The following MCC variants were observed in gnomAD, a reference collection of about 807,000 sequenced individuals.
MCC encodes MCC regulator of Wnt signaling pathway, also known as colorectal mutant cancer protein.
Under a neutral mutation model 116.2 loss-of-function variants are expected in MCC, and 90 were observed. The observed-to-expected ratio is 0.77, with a 90% CI of 0.65 to 0.92. The LOEUF (loss-of-function observed/expected upper bound fraction) is 0.92. Ranked by LOEUF, MCC falls within the 40% of genes least tolerant of loss-of-function variation. The pLI is 0.00. For missense variants in MCC, 1,516 were observed against 1,312.2 expected, an observed-to-expected ratio of 1.16 and a Z score of -2.40; for synonymous variants, 578 against 510.5, an observed-to-expected ratio of 1.13 and a Z score of -1.78.
intron 3 of MCC, among the ~76,000 whole-genome samples, chr5:113,238,827 A>T (rs1412371586): frequency 6.6e-6 from 1 of 152,226 alleles, no homozygotes; most frequent in Admixed American, 6.5e-5. Flanking sequence ...TGGCATTTCC[A>T]ATTTTTGTAA....
At chr5:113,322,849 C>T (rs992788696) in intron 3 of MCC, among the ~76,000 whole-genome samples, 1 of 152,160 alleles carries the variant, frequency 6.6e-6, no homozygotes, top group Non-Finnish European at 1.5e-5. Flanking sequence ...TCCAAGATAG[C>T]CTACAATGAT....
At chr5:113,286,942 G>GT (rs1561507412) in intron 3 of MCC, among the ~76,000 whole-genome samples, 1 of 152,184 alleles carries the variant, frequency 6.6e-6, no homozygotes, top group African/African-American at 2.4e-5. Context: ...GAAAGACAGG[G>GT]TATCTCTGTA....
intron 3 of MCC, among the ~76,000 whole-genome samples, chr5:113,199,416 G>A (rs1037821030): frequency 6.6e-6 from 1 of 152,082 alleles, no homozygotes; most frequent in Non-Finnish European, 1.5e-5. Flanking sequence ...TTTATATAAG[G>A]GGTCCTGAAC....
chr5:113,068,808 A>G (rs1580979060), intron 12 of MCC, among the ~76,000 whole-genome samples: 1 of 152,124 alleles, frequency 6.6e-6, no homozygotes, highest in South Asian at 2.1e-4. Flanking sequence ...AGATCCTCCA[A>G]TCCCCCACTG....
intron 3 of MCC, among the ~76,000 whole-genome samples, chr5:113,193,492 T>C (rs1561445772): frequency 6.6e-6 from 1 of 152,196 alleles, no homozygotes; most frequent in Admixed American, 6.5e-5. Context: ...ACATGTTTGT[T>C]GTCAAATCCT....
chr5:113,155,422 T>C (rs114219924), intron 3 of MCC, among the ~76,000 whole-genome samples: 6,350 of 152,254 alleles, frequency 0.042, 188 homozygotes, highest in African/African-American at 0.078. Flanking sequence ...TTGGATCATA[T>C]GGTAGTTCTA....
intron 3 of MCC, among the ~76,000 whole-genome samples, chr5:113,223,532 G>A (rs1011590612): frequency 6.6e-5 from 10 of 152,202 alleles, no homozygotes; most frequent in African/African-American, 2.2e-4. Context: ...TGGTGGCAAA[G>A]ACAGGGCAGG....
intron 6 of MCC, among the ~76,000 whole-genome samples, chr5:113,111,939 C>G (rs139316588): frequency 2.0e-5 from 3 of 152,202 alleles, no homozygotes; most frequent in Non-Finnish European, 2.9e-5. Flanking sequence ...CCATTAACTA[C>G]GGCAGAGTTG....
chr5:113,053,916 TAGTGA>T lies in MCC; in HGVS notation c.2252_2256del (p.Phe751Ter). 1 of 1,613,942 alleles carries T rather than the reference TAGTGA, an allele frequency of 6.2e-7. No homozygotes were observed. The highest frequency in any genetic ancestry group is 8.5e-7 in the Non-Finnish European group (1 of 1,179,834). On this transcript the variant is annotated frameshift_variant, in exon 15 of 19. Transcript: ENST00000408903. LOFTEE classifies it high-confidence loss of function. ...TCCTTCAGCCTCTGCTCGTCTTCTT[TAGTGA>T]ACTCGGTGTCGCAACTACTGGCTGT...
At chr5:113,165,355 G>A (rs1479063962) in intron 3 of MCC, among the ~76,000 whole-genome samples, 1 of 152,138 alleles carries the variant, frequency 6.6e-6, no homozygotes, top group Non-Finnish European at 1.5e-5. Flanking sequence ...AAGCCTCCCT[G>A]TTTCTTCCCC....
chr5:113,302,157 G>A (rs1300312962), intron 3 of MCC, among the ~76,000 whole-genome samples: 1 of 152,050 alleles, frequency 6.6e-6, no homozygotes, highest in Non-Finnish European at 1.5e-5. Flanking sequence ...CATTACAAAA[G>A]GACATAGAGC....
intron 2 of MCC, among the ~76,000 whole-genome samples, chr5:113,353,116 T>C (rs570386321): frequency 2.2e-4 from 34 of 152,300 alleles, no homozygotes; most frequent in African/African-American, 7.7e-4. Flanking sequence ...CTGTATCTTC[T>C]GACATGATGG....
chr5:113,093,465 G>T (rs4645326), intron 8 of MCC, among the ~76,000 whole-genome samples: 1 of 147,444 alleles, frequency 6.8e-6, no homozygotes, highest in Non-Finnish European at 1.5e-5. Context: ...CTATCTATCT[G>T]TTGATCTCTC....
chr5:113,329,025 C>T (rs903656991), intron 3 of MCC, among the ~76,000 whole-genome samples: 7 of 152,206 alleles, frequency 4.6e-5, no homozygotes, highest in African/African-American at 1.7e-4. Flanking sequence ...CCTGGGTTCA[C>T]ATCTCAGCCT....
At chr5:113,294,678 C>T in intron 3 of MCC, 1 of 1,045,796 alleles carries the variant, frequency 9.6e-7, no homozygotes, top group Non-Finnish European at 1.1e-6. Context: ...GCGCACCCAG[C>T]GCCCCGTTCC....
chr5:113,051,115 C>T (rs1752455815), intron 15 of MCC, among the ~76,000 whole-genome samples: 1 of 152,114 alleles, frequency 6.6e-6, no homozygotes, highest in Non-Finnish European at 1.5e-5. Flanking sequence ...ACAACTAGTC[C>T]TAAACCTCAG....
chr5:113,289,879 C>T (rs1766416491), intron 3 of MCC, among the ~76,000 whole-genome samples: 1 of 152,174 alleles, frequency 6.6e-6, no homozygotes, highest in Admixed American at 6.5e-5. Flanking sequence ...TCTTCTTACG[C>T]TTATGCTAAT....
intron 3 of MCC, among the ~76,000 whole-genome samples, chr5:113,241,720 G>C (rs1026545764): frequency 6.6e-6 from 1 of 152,154 alleles, no homozygotes; most frequent in African/African-American, 2.4e-5. Context: ...TTACATGAAA[G>C]CATGTAATCT....
chr5:113,365,830 G>C (rs1203712438), intron 2 of MCC, among the ~76,000 whole-genome samples: 1 of 152,186 alleles, frequency 6.6e-6, no homozygotes, highest in Non-Finnish European at 1.5e-5. Context: ...AAGGAAGAGA[G>C]AGAGCAGGGA....
Sources: allele counts gnomAD v4.1 joint callset (sites outside exome capture counted in the v4.1 genomes callset), GRCh38; gene constraint gnomAD v4.1.1; transcripts MANE v1.5; gene names NCBI Gene and HGNC (gene_info 2026-07-23, HGNC 2026-07-21).